Variants in DLG2 observed in about 807,000 individuals in gnomAD.
DLG2 encodes disks large homolog 2.
Under a neutral mutation model 132.5 loss-of-function variants are expected in DLG2, and 45 were observed. The observed-to-expected ratio is 0.34, with a 90% CI of 0.27 to 0.44. The LOEUF (loss-of-function observed/expected upper bound fraction) is 0.44. Ranked by LOEUF, DLG2 falls within the 20% of genes least tolerant of loss-of-function variation. The pLI is 1.00. For missense variants in DLG2, 1,045 were observed against 1,196.9 expected, an observed-to-expected ratio of 0.87 and a Z score of 1.87; for synonymous variants, 424 against 419.6, an observed-to-expected ratio of 1.01 and a Z score of -0.13.
At chr11:85,116,333 A>T (rs1340178314) in intron 5 of DLG2, among the ~76,000 whole-genome samples, 5 of 149,768 alleles carry the variant, frequency 3.3e-5, no homozygotes, top group Admixed American at 1.3e-4. Context: ...TTTTTCAAAA[A>T]GTTTGAGGAA....
At chr11:85,362,507 T>C (rs1053490093) in intron 3 of DLG2, among the ~76,000 whole-genome samples, 4 of 152,106 alleles carry the variant, frequency 2.6e-5, no homozygotes, top group Non-Finnish European at 5.9e-5. Context: ...TCTCAGAGTT[T>C]TTTTGGTGGA....
rs543730672 is a variant in DLG2, at chr11:84,726,724, C to T, written c.358-191993G>A. 9.9e-5 allele frequency among the ~76,000 whole-genome samples: 15 copies of T among 152,258 alleles called. No individual in the cohort carries two copies. The South Asian group carries it at 3.1e-3, about 32-fold the overall frequency. On this transcript the variant is annotated intron_variant, in intron 6 of 27. Transcript: ENST00000376104. ...ACAATAGTTGAACTAATTTACACTC[C>T]CACCAACAGTGTAAAAGTCTCCCTA... is the stretch of plus-strand genomic sequence containing the variant.
chr11:84,860,186 C>T (rs879551644), intron 6 of DLG2, among the ~76,000 whole-genome samples: 16 of 152,094 alleles, frequency 1.1e-4, no homozygotes, highest in Non-Finnish European at 2.2e-4. Flanking sequence ...TGTATTGGCT[C>T]ATAAGCTAGT....
intron 8 of DLG2, among the ~76,000 whole-genome samples, chr11:84,208,324 T>C (rs796906460): frequency 1.3e-5 from 2 of 151,566 alleles, no homozygotes; most frequent in Admixed American, 6.6e-5. Flanking sequence ...TGGTCACTCA[T>C]ATTGGCTCAG....
At chr11:84,364,655 G>C (rs1224538882) in intron 7 of DLG2, among the ~76,000 whole-genome samples, 5 of 152,036 alleles carry the variant, frequency 3.3e-5, no homozygotes, top group Admixed American at 3.3e-4. Flanking sequence ...GTTTGTCATA[G>C]ATACCTCTTA....
At chr11:84,538,387 C>T (rs2099360484) in intron 6 of DLG2, among the ~76,000 whole-genome samples, 1 of 152,220 alleles carries the variant, frequency 6.6e-6, no homozygotes, top group Admixed American at 6.5e-5. Context: ...TATCTGCATA[C>T]TTTTCAGGAA....
intron 6 of DLG2, among the ~76,000 whole-genome samples, chr11:84,886,710 G>C (rs1466772882): frequency 6.6e-6 from 1 of 152,106 alleles, no homozygotes; most frequent in African/African-American, 2.4e-5. Flanking sequence ...TAATAACATA[G>C]ACAGGTAGAA....
chr11:83,718,801 G>A (rs1333701685), intron 18 of DLG2, among the ~76,000 whole-genome samples: 2 of 152,094 alleles, frequency 1.3e-5, no homozygotes, highest in African/African-American at 4.8e-5. Context: ...ATGTTGCCCT[G>A]GGGTAAAAAG....
chr11:83,928,856 C>T (rs554408287), intron 15 of DLG2, among the ~76,000 whole-genome samples: 4 of 152,182 alleles, frequency 2.6e-5, no homozygotes, highest in African/African-American at 4.8e-5. Context: ...TGTTAGCTAC[C>T]CTTATGTAGC....
At chr11:83,985,632 T>C (rs1327489091) in intron 11 of DLG2, among the ~76,000 whole-genome samples, 1 of 152,118 alleles carries the variant, frequency 6.6e-6, no homozygotes, top group Non-Finnish European at 1.5e-5. Flanking sequence ...CCTGTGTTAC[T>C]TTGCTGAGAA....
At chr11:84,590,586 T>C (rs996270452) in intron 6 of DLG2, among the ~76,000 whole-genome samples, 9 of 152,182 alleles carry the variant, frequency 5.9e-5, no homozygotes, top group African/African-American at 2.2e-4. Flanking sequence ...AGATAATGGC[T>C]CGTAGGGGAA....
intron 6 of DLG2, among the ~76,000 whole-genome samples, chr11:85,092,930 T>C (rs2069033706): frequency 6.6e-6 from 1 of 152,152 alleles, no homozygotes; most frequent in Non-Finnish European, 1.5e-5. Context: ...CGTGCACCAC[T>C]ACGCCCAGCT....
intron 6 of DLG2, among the ~76,000 whole-genome samples, chr11:85,016,618 C>T (rs1306010851): frequency 6.6e-6 from 1 of 152,140 alleles, no homozygotes; most frequent in Non-Finnish European, 1.5e-5. Flanking sequence ...AAGGAACTCA[C>T]ACACACACTA....
At chr11:84,009,284 G>A (rs1351917270) in intron 11 of DLG2, among the ~76,000 whole-genome samples, 1 of 151,820 alleles carries the variant, frequency 6.6e-6, no homozygotes, top group Non-Finnish European at 1.5e-5. Flanking sequence ...CATTCAAGAT[G>A]CAAAACAAAC....
At chr11:85,398,774 G>A (rs1430485480) in intron 3 of DLG2, among the ~76,000 whole-genome samples, 6 of 152,082 alleles carry the variant, frequency 3.9e-5, no homozygotes, top group African/African-American at 1.4e-4. Context: ...CAAAATTGAG[G>A]CGATAATTAA....
intron 21 of DLG2, among the ~76,000 whole-genome samples, chr11:83,522,386 C>T (rs1364722922): frequency 2.6e-5 from 4 of 152,100 alleles, no homozygotes; most frequent in Non-Finnish European, 4.4e-5. Context: ...TCTACGTCTC[C>T]ACCCAGTGGC....
chr11:85,606,290 G>A (rs1387477086), intron 2 of DLG2, among the ~76,000 whole-genome samples: 1 of 152,178 alleles, frequency 6.6e-6, no homozygotes, highest in Non-Finnish European at 1.5e-5. Context: ...ATGAAAGTGA[G>A]AGGTGAAGCC....
At chr11:84,322,466 T>C (rs2098410035) in intron 7 of DLG2, among the ~76,000 whole-genome samples, 1 of 152,172 alleles carries the variant, frequency 6.6e-6, no homozygotes, top group African/African-American at 2.4e-5. Flanking sequence ...TATAGCTAGA[T>C]AGTACAAAAG....
chr11:85,492,872 T>A (rs902376514), intron 3 of DLG2, among the ~76,000 whole-genome samples: 1 of 151,828 alleles, frequency 6.6e-6, no homozygotes, highest in Admixed American at 6.6e-5. Context: ...TGTTAAGGTA[T>A]AAAAAGAAAA....
Sources: gnomAD v4.1 joint callset for allele counts (sites outside exome capture counted in the v4.1 genomes callset) on GRCh38, gnomAD v4.1.1 for gene constraint, MANE v1.5 for transcripts, NCBI Gene and HGNC (gene_info 2026-07-23, HGNC 2026-07-21) for gene names.